The following BCAS3 variants were observed in gnomAD, a reference collection of about 807,000 sequenced individuals.
The protein encoded by BCAS3 is BCAS4/BCAS3 fusion.
A neutral mutation model predicts 116.1 loss-of-function variants in BCAS3; 53 were observed. The ratio of observed to expected loss-of-function variants is 0.46; its 90% confidence interval spans 0.37 to 0.57. BCAS3 has a LOEUF of 0.57. Ranked by LOEUF, BCAS3 falls within the 20% of genes least tolerant of loss-of-function variation. The probability of loss-of-function intolerance (pLI) is 0.00; values close to 1 mark genes in which losing one functional copy is unlikely to be tolerated. For synonymous variants in BCAS3, 391 were observed against 408.2 expected (o/e 0.96, Z 0.51); for missense variants, 917 against 1,165.4 (o/e 0.79, Z 3.10).
rs1258527563 is a variant in BCAS3, at chr17:61,348,734, C to A, written c.2426-19593C>A. Among the ~76,000 whole-genome samples, 2 of 149,684 alleles carry A rather than the reference C, an allele frequency of 1.3e-5. No individual in the cohort carries two copies. Among genetic ancestry groups the A allele is most frequent in the Non-Finnish European group, 3.0e-5 (2 of 67,662 alleles). ...TGGGAGGACAGTCACGTGCTTCTTG[C>A]AACCTCTTGGGCAGAGATTCTTTTT... On this transcript the variant is annotated intron_variant, in intron 22 of 23. Transcript: ENST00000407086. The surrounding 1 kb of genome is among the most constrained non-coding windows in gnomAD (Gnocchi z 4.5).
intron 8 of BCAS3, among the ~76,000 whole-genome samples, chr17:60,871,627 C>G (rs1465955334): frequency 6.9e-6 from 1 of 145,500 alleles, no homozygotes; most frequent in African/African-American, 2.5e-5. Flanking sequence ...TTTTGCATAA[C>G]CAGGCATTGT....
intron 13 of BCAS3, among the ~76,000 whole-genome samples, chr17:60,929,364 G>C (rs1271813194): frequency 6.6e-6 from 1 of 152,202 alleles, no homozygotes; most frequent in East Asian, 1.9e-4. Flanking sequence ...AGAAGTTAAG[G>C]CTGCAGTGAG....
chr17:60,757,334 A>C (rs1023843296), intron 6 of BCAS3, among the ~76,000 whole-genome samples: 1 of 148,118 alleles, frequency 6.8e-6, no homozygotes, highest in Non-Finnish European at 1.5e-5. Flanking sequence ...ATAATAATAA[A>C]TAAATAAATA....
chr17:61,034,868 G>A lies in BCAS3; in HGVS notation c.1762+78G>A, dbSNP rs2066897668. 1.4e-6 allele frequency: 2 copies of A among 1,408,946 alleles called. No individual in the cohort carries two copies. Among genetic ancestry groups the A allele is most frequent in the South Asian group, 2.7e-5 (2 of 73,888 alleles). 87.3% of individuals were successfully genotyped at this position (1,408,946 alleles called of 1,614,324 possible). On this transcript the variant is annotated intron_variant, in intron 17 of 23. Transcript: ENST00000407086. The surrounding 1 kb of genome is among the most constrained non-coding windows in gnomAD (Gnocchi z 5.0). ...AGGAAAATTTTTAGCAGTTTCCCTA[G>A]AATAATCTTGTACCCAGTAGTCTGG...
At chr17:60,862,694 C>A (rs1406585525) in intron 7 of BCAS3, among the ~76,000 whole-genome samples, 1 of 152,092 alleles carries the variant, frequency 6.6e-6, no homozygotes, top group Non-Finnish European at 1.5e-5. Flanking sequence ...CTCTGTTGCC[C>A]ACACTGGAGT....
At chr17:60,826,043 G>C (rs893656153) in intron 7 of BCAS3, among the ~76,000 whole-genome samples, 2 of 151,510 alleles carry the variant, frequency 1.3e-5, no homozygotes, top group Admixed American at 1.3e-4. Flanking sequence ...TGTATTTTTA[G>C]TAGAAACAGG....
chr17:61,130,415 A>G lies in BCAS3; in HGVS notation c.2425+45851A>G, dbSNP rs543002120. 6.6e-6 allele frequency among the ~76,000 whole-genome samples: 1 copy of G among 152,280 alleles called. No homozygotes were observed. The highest frequency in any genetic ancestry group is 2.1e-4 in the South Asian group (1 of 4,826). On this transcript the variant is annotated intron_variant, in intron 22 of 23. Coordinates refer to ENST00000407086, the MANE Select transcript of BCAS3 (RefSeq NM_017679.5). This position sits in a 1 kb window ranked among gnomAD's most constrained non-coding sequence, Gnocchi z 5.0. ...AGACCCCAATCATTAGAATAACCAC[A>G]AAACCGATTCTTAATTACCTCTTGC...
chr17:60,952,203 TTAGAA>T (rs1395836813), intron 14 of BCAS3, among the ~76,000 whole-genome samples: 2 of 152,212 alleles, frequency 1.3e-5, no homozygotes, highest in Non-Finnish European at 2.9e-5. Context: ...TTGCTACAGT[TTAGAA>T]AAGACTAAAG....
intron 14 of BCAS3, among the ~76,000 whole-genome samples, chr17:60,968,027 A>G (rs2061751719): frequency 6.6e-6 from 1 of 152,034 alleles, no homozygotes; most frequent in South Asian, 2.1e-4. Context: ...ATTCTTGGTC[A>G]GAGGGCTCAC....
rs576206808 is a variant in BCAS3, at chr17:60,960,640, C to CT, written c.1221+13291dup. ...CTGCCTTTGTACACACAGCTTAGGC[C>CT]TTTAAGTGCACATCTCTGCCCTTGG... On this transcript the variant is annotated intron_variant, in intron 14 of 23. Coordinates refer to ENST00000407086, the MANE Select transcript of BCAS3 (RefSeq NM_017679.5). This position sits in a 1 kb window ranked among gnomAD's most constrained non-coding sequence, Gnocchi z 4.1. Among the ~76,000 whole-genome samples the CT allele has an allele frequency of 3.3e-5, 5 of 152,218 alleles. No individual in the cohort carries two copies. In the South Asian group the frequency reaches 1.0e-3, roughly 32 times the overall value.
Position 60,960,753 on chromosome 17 carries a change from G to A in BCAS3, c.1221+13401G>A, listed in dbSNP as rs538019083. ...GTTTCCTGCTTGTGGAATTTTGCAA[G>A]TCCAGTAGCTGCCTTCTTCTTCTTT... On this transcript the variant is annotated intron_variant, in intron 14 of 23. Transcript: ENST00000407086. This position sits in a 1 kb window ranked among gnomAD's most constrained non-coding sequence, Gnocchi z 4.1. 1.3e-5 allele frequency among the ~76,000 whole-genome samples: 2 copies of A among 151,778 alleles called. No individual in the cohort carries two copies. The highest frequency in any genetic ancestry group is 4.8e-5 in the African/African-American group (2 of 41,398).
chr17:60,983,096 C>A (rs536529098), intron 14 of BCAS3, among the ~76,000 whole-genome samples: 4 of 152,238 alleles, frequency 2.6e-5, no homozygotes, highest in African/African-American at 7.2e-5. Context: ...GTGAGTGGTA[C>A]CTGTACTTGT....
rs1304344933 is a variant in BCAS3 at position 61,229,931 on chromosome 17, C to A, written c.2426-138396C>A. ...CCTGAGGTCAGGAGTTCAAGACCAG[C>A]CTGGCCAATATAGCAAAATCTGGTC... On this transcript the variant is annotated intron_variant, in intron 22 of 23. Coordinates refer to ENST00000407086, the MANE Select transcript of BCAS3 (RefSeq NM_017679.5). The surrounding 1 kb of genome is among the most constrained non-coding windows in gnomAD (Gnocchi z 4.4). 6.6e-6 allele frequency among the ~76,000 whole-genome samples: 1 copy of A among 152,198 alleles called. No individual in the cohort carries two copies. The highest frequency in any genetic ancestry group is 1.5e-5 in the Non-Finnish European group (1 of 68,026).
At chr17:60,919,710 A>G (rs535968825) in intron 12 of BCAS3, among the ~76,000 whole-genome samples, 18 of 152,074 alleles carry the variant, frequency 1.2e-4, no homozygotes, top group African/African-American at 3.1e-4. Context: ...GTATTTTTAA[A>G]TTGGTAATAC....
chr17:60,879,755 A>G (rs2055945559), intron 9 of BCAS3, among the ~76,000 whole-genome samples: 1 of 152,222 alleles, frequency 6.6e-6, no homozygotes, highest in African/African-American at 2.4e-5. Flanking sequence ...CTTGGTTTTA[A>G]TGTGTTCTTC....
intron 11 of BCAS3, among the ~76,000 whole-genome samples, chr17:60,906,492 C>T (rs1292775099): frequency 6.6e-6 from 1 of 152,108 alleles, no homozygotes; most frequent in Non-Finnish European, 1.5e-5. Flanking sequence ...AGGGCTTTGA[C>T]TCTCATAGAT....
rs2073889077 is a variant in BCAS3 at position 61,095,212 on chromosome 17, G to A, written c.2425+10648G>A. On this transcript the variant is annotated intron_variant, in intron 22 of 23. Coordinates refer to ENST00000407086, the MANE Select transcript of BCAS3 (RefSeq NM_017679.5). This position sits in a 1 kb window ranked among gnomAD's most constrained non-coding sequence, Gnocchi z 4.7. ...TTCTTCGTGTACGTCAACCAAAACA[G>A]CATATCAGAACAGATAGAATGCAAT... 6.6e-6 allele frequency among the ~76,000 whole-genome samples: 1 copy of A among 152,142 alleles called. No individual in the cohort carries two copies. Among genetic ancestry groups the A allele is most frequent in the Non-Finnish European group, 1.5e-5 (1 of 68,026 alleles).
intron 22 of BCAS3, among the ~76,000 whole-genome samples, chr17:61,308,078 C>T (rs960375685): frequency 1.3e-5 from 2 of 152,134 alleles, no homozygotes; most frequent in African/African-American, 2.4e-5. Flanking sequence ...CCTGGGAATT[C>T]GGGTCAGAAA....
intron 5 of BCAS3, among the ~76,000 whole-genome samples, chr17:60,715,099 T>C (rs970258734): frequency 6.6e-6 from 1 of 151,878 alleles, no homozygotes; most frequent in Non-Finnish European, 1.5e-5. Flanking sequence ...GATTCAAATA[T>C]GAAACAAATG....
Sources: allele counts gnomAD v4.1 joint callset (sites outside exome capture counted in the v4.1 genomes callset), GRCh38; gene constraint gnomAD v4.1.1; non-coding constraint Gnocchi (gnomAD v3.1); transcripts MANE v1.5; gene names NCBI Gene and HGNC (gene_info 2026-07-23, HGNC 2026-07-21).